The following CSRNP3 variants were observed in gnomAD, a reference collection of about 807,000 sequenced individuals.
The protein encoded by CSRNP3 is cysteine and serine rich nuclear protein 3, also known as cysteine/serine-rich nuclear protein 3.
A neutral mutation model predicts 48.0 loss-of-function variants in CSRNP3; 12 were observed. The observed-to-expected ratio is 0.25, with a 90% confidence interval of 0.16 to 0.41. The LOEUF (loss-of-function observed/expected upper bound fraction) is 0.41, where lower values mean the gene tolerates loss of function less well. Among genes scored for constraint, CSRNP3 ranks in the 10% least tolerant of loss-of-function variants. The pLI, the probability that CSRNP3 is intolerant of heterozygous loss-of-function variation, is 1.00. For synonymous variants in CSRNP3, 263 were observed against 269.7 expected, an observed-to-expected ratio of 0.98 and a Z score of 0.24; for missense variants, 580 against 724.4, an observed-to-expected ratio of 0.80 and a Z score of 2.29.
chr2:165,494,630 GAAT>G (rs1352733198), intron 1 of CSRNP3, 126 bp from the exon 2 acceptor site: 1 of 152,854 alleles, frequency 6.5e-6, no homozygotes, highest in African/African-American at 2.4e-5. Flanking sequence ...ATTATGGGGA[GAAT>G]AATTTCTGCA....
chr2:165,591,562 C>T (rs1006407657), intron 3 of CSRNP3, among the ~76,000 whole-genome samples: 2 of 152,138 alleles, frequency 1.3e-5, no homozygotes, highest in African/African-American at 2.4e-5. Flanking sequence ...TGGTTTCCTG[C>T]GGTGGGCCCA....
chr2:165,603,976 T>C (rs1044401603), intron 4 of CSRNP3, among the ~76,000 whole-genome samples: 2 of 152,210 alleles, frequency 1.3e-5, no homozygotes, highest in African/African-American at 4.8e-5. Flanking sequence ...GCTCTCAAAA[T>C]GAGTTTTGAA....
chr2:165,676,935 T>C (rs932480685), intron 6 of CSRNP3, among the ~76,000 whole-genome samples: 1 of 152,214 alleles, frequency 6.6e-6, no homozygotes, highest in African/African-American at 2.4e-5. Context: ...TTGAAGGAGA[T>C]CATGACATCC....
At chr2:165,539,869 G>A (rs1316496093) in intron 3 of CSRNP3, among the ~76,000 whole-genome samples, 2 of 152,078 alleles carry the variant, frequency 1.3e-5, no homozygotes, top group African/African-American at 4.8e-5. Flanking sequence ...TGCTAAGGGT[G>A]TTTGTTAGCA....
chr2:165,521,961 C>T (rs1473843882), intron 3 of CSRNP3, among the ~76,000 whole-genome samples: 2 of 152,120 alleles, frequency 1.3e-5, no homozygotes, highest in Non-Finnish European at 2.9e-5. Flanking sequence ...ACCACAAAAC[C>T]TCCTTAGCAC....
chr2:165,678,589 A>G, intron 6 of CSRNP3, 112 bp from the exon 7 acceptor site: 1 of 1,264,786 alleles, frequency 7.9e-7, no homozygotes, highest in Non-Finnish European at 1.1e-6. Flanking sequence ...GCTCTGGCAT[A>G]TGTGGAATTA....
chr2:165,473,304 C>G (rs1219275309), intron 1 of CSRNP3, among the ~76,000 whole-genome samples: 1 of 152,052 alleles, frequency 6.6e-6, no homozygotes, highest in Non-Finnish European at 1.5e-5. Context: ...TACTTAATTA[C>G]TTCCCCTATA....
intron 3 of CSRNP3, among the ~76,000 whole-genome samples, chr2:165,584,913 T>C (rs1685602901): frequency 1.3e-5 from 2 of 152,114 alleles, no homozygotes; most frequent in Admixed American, 6.5e-5. Flanking sequence ...ACAAAAAAAC[T>C]CATAATGTTT....
intron 3 of CSRNP3, among the ~76,000 whole-genome samples, chr2:165,521,577 A>G (rs1684662721): frequency 6.6e-6 from 1 of 152,160 alleles, no homozygotes; most frequent in Non-Finnish European, 1.5e-5. Flanking sequence ...TGGTATGCCC[A>G]TGCTCTAGGT....
intron 3 of CSRNP3, among the ~76,000 whole-genome samples, chr2:165,544,726 C>G (rs886559605): frequency 6.6e-6 from 1 of 152,130 alleles, no homozygotes; most frequent in African/African-American, 2.4e-5. Flanking sequence ...CCATTGTACA[C>G]TCAGGTGGAG....
intron 3 of CSRNP3, among the ~76,000 whole-genome samples, chr2:165,523,971 A>G (rs1311986195): frequency 2.0e-5 from 3 of 152,198 alleles, no homozygotes; most frequent in Non-Finnish European, 4.4e-5. Context: ...CTCCAACCCT[A>G]TTCTTCAGCT....
chr2:165,578,703 G>T (rs1437332462), intron 3 of CSRNP3, among the ~76,000 whole-genome samples: 1 of 151,340 alleles, frequency 6.6e-6, no homozygotes, highest in Non-Finnish European at 1.5e-5. Flanking sequence ...GTCAATTTAT[G>T]AACAAAGGAA....
intron 3 of CSRNP3, among the ~76,000 whole-genome samples, chr2:165,563,086 G>A (rs1685254703): frequency 6.6e-6 from 1 of 152,076 alleles, no homozygotes; most frequent in Non-Finnish European, 1.5e-5. Context: ...AGATTTATTG[G>A]GCAATACAAA....
rs143480423 is a variant in CSRNP3 at position 165,679,342 on chromosome 2, G to T, written c.1347G>T (p.Gln449His). ...IDSHIPGTPN[Q>H]ISENYSERDT... ...GCCACATTCCAGGAACTCCAAATCA[G>T]ATCTCTGAGAACTATTCTGAAAGAG... Residue 449 changes from glutamine (Q) to histidine (H), a missense_variant, in exon 7 of 7, where the codon CAG (glutamine) becomes CAT (histidine). By Grantham distance (24) the Gln-to-His change is conservative. This residue lies in a region of CSRNP3 where 369 missense variants were observed against 380.8 expected (regional missense o/e 0.97). Coordinates refer to ENST00000651982, the MANE Select transcript of CSRNP3 (RefSeq NM_001172173.2). 362 of 1,613,578 alleles carry T rather than the reference G, an allele frequency of 2.2e-4. 1 individual carries two copies. Among genetic ancestry groups the T allele is most frequent in the Admixed American group, 6.5e-4 (39 of 59,948 alleles).
At chr2:165,473,956 C>G (rs1683925482) in intron 1 of CSRNP3, among the ~76,000 whole-genome samples, 1 of 151,872 alleles carries the variant, frequency 6.6e-6, no homozygotes, top group South Asian at 2.1e-4. Context: ...GATACGAGAT[C>G]AACTTCATGA....
At chr2:165,664,513 A>G (rs964140422) in intron 5 of CSRNP3, among the ~76,000 whole-genome samples, 2 of 152,210 alleles carry the variant, frequency 1.3e-5, no homozygotes, top group Non-Finnish European at 2.9e-5. Context: ...GTTTGAAAGC[A>G]ATGGTGATGG....
chr2:165,533,891 AT>A (rs1684848519), intron 3 of CSRNP3, among the ~76,000 whole-genome samples: 1 of 152,016 alleles, frequency 6.6e-6, no homozygotes, highest in African/African-American at 2.4e-5. Flanking sequence ...AAAACTTTTT[AT>A]AAATGGGGAA....
intron 3 of CSRNP3, among the ~76,000 whole-genome samples, chr2:165,534,540 A>T (rs1442763147): frequency 1.3e-5 from 2 of 151,974 alleles, no homozygotes; most frequent in Non-Finnish European, 2.9e-5. Context: ...ATACAGGTGC[A>T]TAGAGAATGT....
chr2:165,606,216 A>G (rs1009841380), intron 4 of CSRNP3, among the ~76,000 whole-genome samples: 8 of 151,898 alleles, frequency 5.3e-5, no homozygotes, highest in African/African-American at 1.9e-4. Context: ...TGGGTACATT[A>G]AAATAAAACT....
Sources: gnomAD v4.1 joint callset for allele counts (sites outside exome capture counted in the v4.1 genomes callset) on GRCh38, gnomAD v4.1.1 for gene constraint, gnomAD v4.1.1 regional missense constraint, MANE v1.5 for transcripts, NCBI Gene and HGNC (gene_info 2026-07-23, HGNC 2026-07-21) for gene names.